IL20RB: variants seen among roughly 807,000 people sequenced by gnomAD.
IL20RB encodes the protein interleukin 20 receptor subunit beta, also known as interleukin-20 receptor subunit beta.
A neutral mutation model predicts 33.3 loss-of-function variants in IL20RB; 21 were observed. The observed-to-expected ratio is 0.63, with a 90% CI of 0.45 to 0.91. The LOEUF (loss-of-function observed/expected upper bound fraction) is 0.91, where lower values mean the gene tolerates loss of function less well. Among genes scored for constraint, IL20RB ranks in the 40% least tolerant of loss-of-function variants. The pLI is 0.00. For synonymous variants in IL20RB, 147 were observed against 146.8 expected (o/e 1.00, Z -0.01); for missense variants, 345 against 384.8 (o/e 0.90, Z 0.86).
At chr3:137,000,524 T>C (rs1942222827) in intron 6 of IL20RB, among the ~76,000 whole-genome samples, 1 of 152,260 alleles carries the variant, frequency 6.6e-6, no homozygotes, top group African/African-American at 2.4e-5. Context: ...CTTCCAAGCA[T>C]GAACTTTTAG....
chr3:136,970,755 C>T lies in IL20RB; in HGVS notation c.89-9711C>T, dbSNP rs576380402. 3.1e-4 allele frequency among the ~76,000 whole-genome samples: 46 copies of T among 150,440 alleles called. No individual in the cohort carries two copies. The East Asian group carries it at 5.4e-3, about 18-fold the overall frequency. On this transcript the variant is annotated intron_variant, in intron 1 of 6. Coordinates refer to ENST00000329582, the MANE Select transcript of IL20RB (RefSeq NM_144717.4). ...GCAACCTCCGCCTCCCAGGTTCAAG[C>T]GATTCTCCTGCCTCAGCCTCCCCAG...
In IL20RB at chr3:136,982,005, G is replaced by A. The variant is rs561759718; in HGVS notation, c.216-155G>A. ...TAAAAGGAGTAAGGGACGATGGATG[G>A]TTGGTAGGGAGGAGAGTGGAGGAGC... On this transcript the variant is annotated intron_variant, in intron 2 of 6. Coordinates refer to ENST00000329582, the MANE Select transcript of IL20RB (RefSeq NM_144717.4). 5.3e-5 allele frequency: 25 copies of A among 472,968 alleles called. No individual in the cohort carries two copies. In the Admixed American group the frequency reaches 9.1e-4, roughly 17 times the overall value. The allele number at this position is 472,968 out of a possible 1,614,324, so 29.3% of individuals were successfully genotyped here. A position where few individuals can be genotyped will look rare whatever the true frequency, so the allele number is the denominator to read the frequency against.
intron 1 of IL20RB, among the ~76,000 whole-genome samples, chr3:136,978,295 A>G (rs1264298996): frequency 1.3e-5 from 2 of 151,122 alleles, no homozygotes; most frequent in Non-Finnish European, 2.9e-5. Context: ...CCTCCCAAGT[A>G]GCTGGGATTA....
chr3:136,995,343 G>A, intron 5 of IL20RB, 71 bp from the exon 6 acceptor site: 1 of 1,562,876 alleles, frequency 6.4e-7, no homozygotes, highest in Non-Finnish European at 8.7e-7. Context: ...CAGGAAACCG[G>A]GGGAGGCTCA....
At chr3:137,005,940 G>A (rs1276982031) in intron 6 of IL20RB, among the ~76,000 whole-genome samples, 4 of 152,330 alleles carry the variant, frequency 2.6e-5, no homozygotes, top group South Asian at 2.1e-4. Context: ...TCCTTCAGGA[G>A]CTGTTGTAAG....
chr3:136,991,704 G>A (rs1244354267), intron 4 of IL20RB, among the ~76,000 whole-genome samples: 3 of 152,184 alleles, frequency 2.0e-5, no homozygotes, highest in East Asian at 3.9e-4. Context: ...TGCCTCCTGG[G>A]TTCAAGTGAT....
intron 1 of IL20RB, chr3:136,959,038 G>C (rs1158942099): frequency 2.0e-5 from 3 of 152,056 alleles, no homozygotes; most frequent in African/African-American, 7.2e-5. Context: ...AAGACAATTT[G>C]CAAAGGTGTA....
At chr3:136,989,883 T>A (rs902671420) in intron 4 of IL20RB, among the ~76,000 whole-genome samples, 2 of 152,072 alleles carry the variant, frequency 1.3e-5, no homozygotes, top group African/African-American at 4.8e-5. Flanking sequence ...CCTCATCAGC[T>A]CATCTCCTCA....
intron 1 of IL20RB, among the ~76,000 whole-genome samples, chr3:136,962,380 C>T (rs1577005905): frequency 1.3e-5 from 2 of 152,018 alleles, no homozygotes; most frequent in African/African-American, 4.8e-5. Context: ...AATGTGTAAC[C>T]TCAATCAAAT....
chr3:136,982,093 C>T, intron 2 of IL20RB, 67 bp from the exon 3 acceptor site: 1 of 1,223,154 alleles, frequency 8.2e-7, no homozygotes. Flanking sequence ...AAGTCAGTTA[C>T]TTGCAACCAT....
intron 6 of IL20RB, among the ~76,000 whole-genome samples, chr3:136,997,090 T>G (rs1221856097): frequency 1.3e-5 from 2 of 151,496 alleles, no homozygotes; most frequent in African/African-American, 2.4e-5. Context: ...TATCTGTTTT[T>G]CTCTCTCTCT....
At chr3:136,991,511 A>C (rs1043301075) in intron 4 of IL20RB, among the ~76,000 whole-genome samples, 1 of 152,218 alleles carries the variant, frequency 6.6e-6, no homozygotes, top group Admixed American at 6.5e-5. Flanking sequence ...GAGAGGGAAC[A>C]TTCTGTGTGC....
chr3:136,969,762 G>A (rs907112815), intron 1 of IL20RB, among the ~76,000 whole-genome samples: 1 of 152,162 alleles, frequency 6.6e-6, no homozygotes, highest in South Asian at 2.1e-4. Flanking sequence ...TTCTTTGTGA[G>A]ATAGTGGTTT....
At chr3:136,970,853 C>T (rs541516592) in intron 1 of IL20RB, among the ~76,000 whole-genome samples, 46 of 151,842 alleles carry the variant, frequency 3.0e-4, no homozygotes, top group Non-Finnish European at 4.4e-4. Context: ...GGGGTTTCAC[C>T]GTGTTAGCCA....
Position 136,993,819 on chromosome 3 carries a change from C to A in IL20RB, c.683-1595C>A, listed in dbSNP as rs114993096. The stretch of plus-strand genomic sequence containing the variant: ...CCTGAGGTCAGAAATTTGAGACCAG[C>A]CTGACCATTGTGATGAAACCCTGTC... On this transcript the variant is annotated intron_variant, in intron 5 of 6. Transcript: ENST00000329582. Among the ~76,000 whole-genome samples, 878 of 152,146 alleles carry A rather than the reference C, an allele frequency of 5.8e-3. 15 individuals are homozygous for A. Among genetic ancestry groups the A allele is most frequent in the African/African-American group, 0.02 (850 of 41,498 alleles).
intron 3 of IL20RB, among the ~76,000 whole-genome samples, chr3:136,983,221 G>T (rs963139337): frequency 6.6e-6 from 1 of 152,098 alleles, no homozygotes; most frequent in African/African-American, 2.4e-5. Context: ...CTGAGTAGCT[G>T]GGACTACAGG....
Position 136,984,212 on chromosome 3 carries a change from G to A in IL20RB, c.406+1862G>A, listed in dbSNP as rs547418246. Among the ~76,000 whole-genome samples the A allele has an allele frequency of 2.1e-4, 32 of 152,300 alleles. No homozygotes were observed. The South Asian group carries it at 4.1e-3, about 20-fold the overall frequency. ...GGACAAGACGCTGAAGATAAAGAGA[G>A]GACAAGGTCCTGGAAAACCTCAGAC... is the stretch of plus-strand genomic sequence containing the variant. On this transcript the variant is annotated intron_variant, in intron 3 of 6. Transcript: ENST00000329582.
At chr3:136,995,316 A>ATGTGCAGATAACAGAATC in intron 5 of IL20RB, 98 bp from the exon 6 acceptor site, 1 of 1,387,444 alleles carries the variant, frequency 7.2e-7, no homozygotes, top group Non-Finnish European at 1.0e-6. Flanking sequence ...GTCTTAGCCA[A>ATGTGCAGATAACAGAATC]TGTGCAGAGT....
chr3:137,005,184 T>C (rs978252355), intron 6 of IL20RB, among the ~76,000 whole-genome samples: 2 of 152,118 alleles, frequency 1.3e-5, no homozygotes, highest in African/African-American at 4.8e-5. Context: ...TTTACTTCCA[T>C]TTATGTGGTC....
Sources: allele counts gnomAD v4.1 joint callset (sites outside exome capture counted in the v4.1 genomes callset), GRCh38; gene constraint gnomAD v4.1.1; transcripts MANE v1.5; gene names NCBI Gene and HGNC (gene_info 2026-07-23, HGNC 2026-07-21).